The following DIP2B variants were observed in gnomAD, a reference collection of about 807,000 sequenced individuals.
The protein encoded by DIP2B is DIP2 acetate--CoA ligase B (putative).
A neutral mutation model predicts 198.0 loss-of-function variants in DIP2B; 76 were observed. The observed-to-expected ratio is 0.38, with a 90% confidence interval of 0.32 to 0.46. The LOEUF is 0.46. DIP2B is among the 20% of genes least tolerant of loss of function. The pLI, the probability that DIP2B is intolerant of heterozygous loss-of-function variation, is 0.99. For missense variants in DIP2B, 1,559 were observed against 1,978.4 expected, an observed-to-expected ratio of 0.79 and a Z score of 4.02; for synonymous variants, 701 against 739.1, an observed-to-expected ratio of 0.95 and a Z score of 0.84.
At chr12:50,715,573 A>T (rs1462268408) in intron 23 of DIP2B, among the ~76,000 whole-genome samples, 1 of 152,186 alleles carries the variant, frequency 6.6e-6, no homozygotes, top group Admixed American at 6.5e-5. Flanking sequence ...CATAACTAAG[A>T]CAAGAAAGAA....
At chr12:50,705,072 G>A (rs1415235670) in intron 20 of DIP2B, among the ~76,000 whole-genome samples, 1 of 152,192 alleles carries the variant, frequency 6.6e-6, no homozygotes, top group Non-Finnish European at 1.5e-5. Context: ...AACTTGATGA[G>A]CCAGAGGATG....
Position 50,626,031 on chromosome 12 carries a change from C to T in DIP2B, c.156C>T (p.Tyr52=), listed in dbSNP as rs1937927273. ...EKKRSKLLSP[Y]SPQTQETDSA... is the part of the protein sequence containing the mutation. ...AAAGGTCCAAACTCCTATCTCCTTA[C>T]AGCCCGCAGACACAAGGTAGGCAAT... Residue 52 remains tyrosine (Y), a synonymous_variant, in exon 2 of 38, where the codon TAC becomes TAT. Transcript: ENST00000301180. 5 of 1,614,120 alleles carry T rather than the reference C, an allele frequency of 3.1e-6. No individual in the cohort carries two copies. Among genetic ancestry groups the T allele is most frequent in the South Asian group, 1.1e-5 (1 of 91,074 alleles).
intron 1 of DIP2B, among the ~76,000 whole-genome samples, chr12:50,552,911 C>G (rs575985214): frequency 2.0e-4 from 31 of 151,880 alleles, no homozygotes; most frequent in Admixed American, 4.6e-4. Context: ...TCTTGGCTCA[C>G]TGCAACGTCT....
intron 1 of DIP2B, among the ~76,000 whole-genome samples, chr12:50,587,024 T>C (rs1335982448): frequency 6.6e-6 from 1 of 152,226 alleles, no homozygotes; most frequent in African/African-American, 2.4e-5. Flanking sequence ...TTTCACTGTA[T>C]GTGTCTCTTT....
chr12:50,563,430 G>A (rs945404457), intron 1 of DIP2B, among the ~76,000 whole-genome samples: 1 of 149,574 alleles, frequency 6.7e-6, no homozygotes, highest in African/African-American at 2.5e-5. Context: ...CAAGCAATCT[G>A]CCTGCCTTGG....
At chr12:50,519,581 C>G (rs1024022294) in intron 1 of DIP2B, among the ~76,000 whole-genome samples, 3 of 152,134 alleles carry the variant, frequency 2.0e-5, no homozygotes, top group African/African-American at 7.2e-5. Context: ...TGGGACAGCC[C>G]TAAATGAAAA....
chr12:50,722,526 TTACAGGTGTG>T (rs1168398907), intron 26 of DIP2B, among the ~76,000 whole-genome samples: 1 of 152,184 alleles, frequency 6.6e-6, no homozygotes, highest in Non-Finnish European at 1.5e-5. Context: ...AGTGCTGGGA[TTACAGGTGTG>T]TGCCACCATG....
intron 22 of DIP2B, among the ~76,000 whole-genome samples, chr12:50,713,561 C>T (rs1252037723): frequency 6.6e-6 from 1 of 152,160 alleles, no homozygotes; most frequent in Non-Finnish European, 1.5e-5. Context: ...TAGCTTGTGG[C>T]CTCCAATGCT....
chr12:50,616,276 A>G (rs1937699379), intron 1 of DIP2B, among the ~76,000 whole-genome samples: 1 of 152,276 alleles, frequency 6.6e-6, no homozygotes, highest in African/African-American at 2.4e-5. Flanking sequence ...TCTACTGAGA[A>G]TGGAAATTTG....
chr12:50,732,739 G>A (rs972241920), intron 32 of DIP2B, among the ~76,000 whole-genome samples: 2 of 152,200 alleles, frequency 1.3e-5, no homozygotes, highest in African/African-American at 4.8e-5. Flanking sequence ...TGCTTCCCCA[G>A]GCAGCTTGCA....
At chr12:50,591,608 T>TTTTC (rs574854517) in intron 1 of DIP2B, among the ~76,000 whole-genome samples, 109 of 151,590 alleles carry the variant, frequency 7.2e-4, no homozygotes, top group East Asian at 4.7e-3. Flanking sequence ...TAATTTTTCT[T>TTTTC]TTTCTTTCTT....
chr12:50,695,224 T>G, intron 14 of DIP2B, 43 bp from the exon 15 acceptor site: 1 of 1,483,006 alleles, frequency 6.7e-7, no homozygotes, highest in Non-Finnish European at 9.4e-7. Context: ...ATACTAAGTA[T>G]GTATTTTGTA....
rs551353152 is a variant in DIP2B at position 50,676,766 on chromosome 12, G to A, written c.916+1318G>A. 3.3e-5 allele frequency among the ~76,000 whole-genome samples: 5 copies of A among 152,322 alleles called. No individual in the cohort carries two copies. The East Asian group carries it at 5.8e-4, about 18-fold the overall frequency. ...GCATTGAAGCCTAATGGATAATGGC[G>A]ATAATGTCAGCTTTCATGGCAGGAA... On this transcript the variant is annotated intron_variant, in intron 7 of 37. Coordinates refer to ENST00000301180, the MANE Select transcript of DIP2B (RefSeq NM_173602.3).
At chr12:50,581,265 T>C (rs1200300200) in intron 1 of DIP2B, among the ~76,000 whole-genome samples, 2 of 149,520 alleles carry the variant, frequency 1.3e-5, no homozygotes, top group Admixed American at 6.8e-5. Flanking sequence ...TTGGGAATCA[T>C]TGAAACAGGA....
intron 1 of DIP2B, among the ~76,000 whole-genome samples, chr12:50,516,265 A>G (rs1037447497): frequency 1.4e-5 from 2 of 139,730 alleles, no homozygotes; most frequent in African/African-American, 2.7e-5. Context: ...CTCTATCTCT[A>G]TCTCTATATC....
chr12:50,590,008 GTCTC>G (rs1958805310), intron 1 of DIP2B, among the ~76,000 whole-genome samples: 1 of 150,542 alleles, frequency 6.6e-6, no homozygotes, highest in Admixed American at 6.7e-5. Flanking sequence ...CTCTTTCTCT[GTCTC>G]TCTCTGAGAT....
At chr12:50,652,852 A>G (rs1001200637) in intron 3 of DIP2B, among the ~76,000 whole-genome samples, 3 of 151,888 alleles carry the variant, frequency 2.0e-5, no homozygotes, top group Non-Finnish European at 2.9e-5. Context: ...GTCTATTCCT[A>G]AGTATTTTGT....
chr12:50,539,344 C>T (rs2139372501), intron 1 of DIP2B, among the ~76,000 whole-genome samples: 1 of 151,352 alleles, frequency 6.6e-6, no homozygotes, highest in African/African-American at 2.4e-5. Flanking sequence ...AGTGTATGCA[C>T]AGGCCGGGTG....
At chr12:50,526,626 CTTTTTTTTTTTTTTT>C (rs11423846) in intron 1 of DIP2B, among the ~76,000 whole-genome samples, 1 of 64,182 alleles carries the variant, frequency 1.6e-5, no homozygotes, top group African/African-American at 7.0e-5. Context: ...TTTCCTCTGC[CTTTTTTTTTTTTTTT>C]TTTTTTTTTT....
Sources: gnomAD v4.1 joint callset for allele counts (sites outside exome capture counted in the v4.1 genomes callset) on GRCh38, gnomAD v4.1.1 for gene constraint, MANE v1.5 for transcripts, NCBI Gene and HGNC (gene_info 2026-07-23, HGNC 2026-07-21) for gene names.